Variants in ZBTB2 observed in about 807,000 individuals in gnomAD.
ZBTB2 encodes the protein zinc finger and BTB domain containing 2.
ZBTB2 carries 2 observed loss-of-function variants against 39.5 expected under a neutral mutation model. The ratio of observed to expected loss-of-function variants is 0.05; its 90% CI spans 0.02 to 0.16. ZBTB2 has a LOEUF of 0.16. ZBTB2 is among the 10% of genes least tolerant of loss of function. The pLI, the probability that ZBTB2 is intolerant of heterozygous loss-of-function variation, is 1.00. For missense variants in ZBTB2, 391 were observed against 653.0 expected (o/e 0.60, Z 4.37); for synonymous variants, 251 against 256.6 (o/e 0.98, Z 0.21).
intron 2 of ZBTB2, among the ~76,000 whole-genome samples, chr6:151,367,952 G>C (rs1258663686): frequency 6.6e-6 from 1 of 152,146 alleles, no homozygotes; most frequent in Non-Finnish European, 1.5e-5. Flanking sequence ...AGAAATTAGT[G>C]AGATCTATAT....
intron 1 of ZBTB2, among the ~76,000 whole-genome samples, chr6:151,390,111 G>T (rs1206206350): frequency 6.6e-6 from 1 of 152,044 alleles, no homozygotes; most frequent in African/African-American, 2.4e-5. Flanking sequence ...TATCGCAGGC[G>T]CAGATGGCGC....
At position 151,366,930 on chromosome 6, in the gene ZBTB2, C is replaced by G; in HGVS notation, c.174-38G>C. The G allele has an allele frequency of 7.0e-6, 11 of 1,561,792 alleles. No individual in the cohort carries two copies. The highest frequency in any genetic ancestry group is 9.5e-6 in the Non-Finnish European group (11 of 1,154,588). ...AGTAAAAAAATACGTGAGTAAATGC[C>G]AGTCTAGGTGTTAACATAAAGCCTG... On this transcript the variant is annotated intron_variant, in intron 2 of 2. Coordinates refer to ENST00000325144, the MANE Select transcript of ZBTB2 (RefSeq NM_020861.3). The surrounding 1 kb of genome is among the most constrained non-coding windows in gnomAD (Gnocchi z 7.1).
At chr6:151,390,207 A>C (rs867000828) in intron 1 of ZBTB2, among the ~76,000 whole-genome samples, 1 of 151,706 alleles carries the variant, frequency 6.6e-6, no homozygotes, top group African/African-American at 2.4e-5. Context: ...AGCAGGCGAC[A>C]AGGGCGGCGC....
rs916497568 is a variant in ZBTB2, at chr6:151,366,013, C to A, written c.1053G>T (p.Gln351His). 2.5e-6 allele frequency: 4 copies of A among 1,614,074 alleles called. No individual in the cohort carries two copies. In the Admixed American group the frequency reaches 5.0e-5, roughly 20 times the overall value. The change falls in exon 3 of 3, where the codon CAG becomes CAT. Residue 351 changes from glutamine to histidine, a missense_variant. Coordinates refer to ENST00000325144, the MANE Select transcript of ZBTB2 (RefSeq NM_020861.3). The surrounding 1 kb of genome is among the most constrained non-coding windows in gnomAD (Gnocchi z 7.1). ...TCTTCACCTCCCTCTCCTGGTCGGC[C>A]TGCTCCAGGTTGTCAATGTCAGCAA... ...SDIADIDNLE[Q>H]ADQEREVKRR...
intron 2 of ZBTB2, among the ~76,000 whole-genome samples, chr6:151,370,946 T>C (rs1279527355): frequency 6.6e-6 from 1 of 152,226 alleles, no homozygotes; most frequent in African/African-American, 2.4e-5. Flanking sequence ...TAGAAAGGCA[T>C]TTATTTACTG....
At chr6:151,387,829 C>G (rs554805090) in intron 1 of ZBTB2, among the ~76,000 whole-genome samples, 1 of 152,142 alleles carries the variant, frequency 6.6e-6, no homozygotes, top group Non-Finnish European at 1.5e-5. Flanking sequence ...TCCAAGTTGG[C>G]TTCTAAAATG....
Position 151,366,922 on chromosome 6 carries a change from G to A in ZBTB2, c.174-30C>T. Reference sequence around the variant, plus strand: ...AAGAAACAAGTAAAAAAATACGTGAGTAAATGCCAGTCTAGGTGTTAACAT... The same window carrying A: ...AAGAAACAAGTAAAAAAATACGTGAATAAATGCCAGTCTAGGTGTTAACAT... On this transcript the variant is annotated intron_variant, in intron 2 of 2. Coordinates refer to ENST00000325144, the MANE Select transcript of ZBTB2 (RefSeq NM_020861.3). This position sits in a 1 kb window ranked among gnomAD's most constrained non-coding sequence, Gnocchi z 7.1. 1.1e-5 allele frequency: 17 copies of A among 1,568,814 alleles called. No individual in the cohort carries two copies. Among genetic ancestry groups the A allele is most frequent in the Non-Finnish European group, 1.4e-5 (16 of 1,157,702 alleles).
intron 2 of ZBTB2, among the ~76,000 whole-genome samples, chr6:151,369,653 A>G (rs1270516061): frequency 1.3e-5 from 2 of 152,140 alleles, no homozygotes; most frequent in Non-Finnish European, 2.9e-5. Context: ...TTTAAAGCAG[A>G]AGCACATGTG....
intron 2 of ZBTB2, among the ~76,000 whole-genome samples, chr6:151,369,830 G>A (rs937147681): frequency 6.6e-6 from 1 of 152,056 alleles, no homozygotes; most frequent in Non-Finnish European, 1.5e-5. Flanking sequence ...AAAATTAGCC[G>A]GGCGTGGTGG....
chr6:151,366,612 G>A lies in ZBTB2; in HGVS notation c.454C>T (p.Pro152Ser). 2 of 1,614,132 alleles carry A rather than the reference G, an allele frequency of 1.2e-6. No individual in the cohort carries two copies. Among genetic ancestry groups the A allele is most frequent in the African/African-American group, 2.7e-5 (2 of 75,024 alleles). The change falls in exon 3 of 3, where the codon CCT (proline) becomes TCT (serine). Residue 152 changes from proline to serine, a missense_variant. Physicochemically the swap from Pro to Ser is moderately conservative, Grantham distance 74. This residue lies in a region of ZBTB2 where 175 missense variants were observed against 198.6 expected (regional missense o/e 0.88). Coordinates refer to ENST00000325144, the MANE Select transcript of ZBTB2 (RefSeq NM_020861.3). The surrounding 1 kb of genome is among the most constrained non-coding windows in gnomAD (Gnocchi z 7.1). ...LRQATKIASAPEKLGRDPRPQ... is the reference protein window; with the variant it reads ...LRQATKIASASEKLGRDPRPQ... ...CGTGGATCTCGCCCGAGTTTTTCAG[G>A]TGCTGAAGCAATCTTGGTGGCTTGT...
chr6:151,367,100 G>C (rs1778667737), intron 2 of ZBTB2, among the ~76,000 whole-genome samples: 1 of 151,904 alleles, frequency 6.6e-6, no homozygotes, highest in Admixed American at 6.6e-5. Flanking sequence ...GATTCTTAGA[G>C]CAGTTTTTCT....
Position 151,383,979 on chromosome 6 carries a change from GAGA to G in ZBTB2, c.-13+7438_-13+7440del, listed in dbSNP as rs550729425. Among the ~76,000 whole-genome samples the G allele has an allele frequency of 5.5e-4, 84 of 152,248 alleles. No individual in the cohort carries two copies. In the East Asian group the frequency reaches 9.4e-3, roughly 17 times the overall value. ...GTAAATTAATAAGCAGATGCTCCGG[GAGA>G]AGAAGAGTGCTGAGTTCCAGTCAAG... On this transcript the variant is annotated intron_variant, in intron 1 of 2. Coordinates refer to ENST00000325144, the MANE Select transcript of ZBTB2 (RefSeq NM_020861.3).
intron 1 of ZBTB2, among the ~76,000 whole-genome samples, chr6:151,390,865 G>C (rs1186537864): frequency 1.3e-5 from 2 of 151,310 alleles, no homozygotes; most frequent in African/African-American, 4.9e-5. Context: ...GCGAGGCGTC[G>C]GAAGGATTAC....
intron 1 of ZBTB2, among the ~76,000 whole-genome samples, chr6:151,390,328 C>A (rs1779258290): frequency 1.6e-5 from 2 of 127,956 alleles, no homozygotes; most frequent in East Asian, 6.3e-4. Flanking sequence ...CTGGCCCCCT[C>A]CGGTCTCGCC....
chr6:151,369,378 G>T (rs1778728911), intron 2 of ZBTB2, among the ~76,000 whole-genome samples: 2 of 151,280 alleles, frequency 1.3e-5, no homozygotes, highest in South Asian at 2.1e-4. Flanking sequence ...GAGAGAGGGG[G>T]TCTTGCTCTG....
Position 151,366,472 on chromosome 6 carries a change from C to T in ZBTB2, c.594G>A (p.Leu198=). The T allele has an allele frequency of 6.2e-7, 1 of 1,614,034 alleles. No homozygotes were observed. ...NRTNMTPSDP[L]QTSLSPELVS... is the part of the protein sequence containing the mutation. ...CAAGTTCTGGAGACAGCGAGGTCTG[C>T]AGGGGGTCTGAGGGAGTCATATTTG... Residue 198 remains leucine (L), a synonymous_variant, in exon 3 of 3, where the codon CTG becomes CTA. Transcript: ENST00000325144. The surrounding 1 kb of genome is among the most constrained non-coding windows in gnomAD (Gnocchi z 7.1).
At chr6:151,375,562 A>G (rs1778888551) in intron 1 of ZBTB2, among the ~76,000 whole-genome samples, 1 of 152,192 alleles carries the variant, frequency 6.6e-6, no homozygotes, top group Non-Finnish European at 1.5e-5. Context: ...CTAAAATTAT[A>G]TATGTATATA....
intron 1 of ZBTB2, among the ~76,000 whole-genome samples, chr6:151,383,704 C>A (rs1303791248): frequency 6.6e-6 from 1 of 152,080 alleles, no homozygotes; most frequent in Admixed American, 6.5e-5. Flanking sequence ...AACCTCTGCT[C>A]CAGGATTTTG....
At chr6:151,381,486 A>C (rs1779033831) in intron 1 of ZBTB2, among the ~76,000 whole-genome samples, 1 of 152,108 alleles carries the variant, frequency 6.6e-6, no homozygotes, top group Non-Finnish European at 1.5e-5. Flanking sequence ...ATGCCACTGC[A>C]CTCTAGCCTG....
Sources: allele counts gnomAD v4.1 joint callset (sites outside exome capture counted in the v4.1 genomes callset), GRCh38; gene constraint gnomAD v4.1.1; regional missense constraint gnomAD v4.1.1; non-coding constraint Gnocchi (gnomAD v3.1); transcripts MANE v1.5; gene names NCBI Gene and HGNC (gene_info 2026-07-23, HGNC 2026-07-21).